FBXL2: variants seen among roughly 807,000 people sequenced by gnomAD.
The protein encoded by FBXL2 is F-box and leucine rich repeat protein 2, also known as F-box/LRR-repeat protein 2.
A neutral mutation model predicts 69.2 loss-of-function variants in FBXL2; 38 were observed. The ratio of observed to expected loss-of-function variants is 0.55; its 90% CI spans 0.42 to 0.72. The LOEUF (loss-of-function observed/expected upper bound fraction) is 0.72. Ranked by LOEUF, FBXL2 falls within the 30% of genes least tolerant of loss-of-function variation. FBXL2 has a pLI of 0.00. For missense variants in FBXL2, 354 were observed against 520.3 expected, an observed-to-expected ratio of 0.68 and a Z score of 3.11; for synonymous variants, 192 against 201.3, an observed-to-expected ratio of 0.95 and a Z score of 0.39.
At chr3:33,294,982 C>A (rs1175413982) in intron 1 of FBXL2, among the ~76,000 whole-genome samples, 2 of 152,070 alleles carry the variant, frequency 1.3e-5, no homozygotes, top group Non-Finnish European at 2.9e-5. Flanking sequence ...TCTCATATAT[C>A]CAACACAAAG....
intron 2 of FBXL2, among the ~76,000 whole-genome samples, chr3:33,312,164 C>T (rs773483545): frequency 1.3e-5 from 2 of 152,074 alleles, no homozygotes; most frequent in Non-Finnish European, 2.9e-5. Context: ...TCAAACCATC[C>T]ACCTGCCCCA....
At chr3:33,322,648 CTA>C (rs1019415019) in intron 2 of FBXL2, among the ~76,000 whole-genome samples, 2 of 151,964 alleles carry the variant, frequency 1.3e-5, no homozygotes, top group African/African-American at 4.8e-5. Context: ...TGTGATAAAA[CTA>C]TAAAGAATTA....
intron 1 of FBXL2, among the ~76,000 whole-genome samples, chr3:33,294,902 T>C (rs2035598562): frequency 6.6e-6 from 1 of 151,840 alleles, no homozygotes; most frequent in African/African-American, 2.4e-5. Flanking sequence ...AGAAATATAT[T>C]AGATAATTTA....
At chr3:33,367,672 C>T (rs1009435293) in intron 5 of FBXL2, among the ~76,000 whole-genome samples, 15 of 151,800 alleles carry the variant, frequency 9.9e-5, no homozygotes, top group African/African-American at 3.1e-4. Context: ...TTGTTTTCAC[C>T]CATTTTTCAT....
At chr3:33,296,270 T>C (rs2035743680) in intron 1 of FBXL2, among the ~76,000 whole-genome samples, 1 of 152,208 alleles carries the variant, frequency 6.6e-6, no homozygotes, top group South Asian at 2.1e-4. Flanking sequence ...TTCACCATGT[T>C]GGCCAGGCTG....
intron 2 of FBXL2, among the ~76,000 whole-genome samples, chr3:33,305,403 A>T (rs534224895): frequency 6.6e-6 from 1 of 151,760 alleles, no homozygotes; most frequent in Non-Finnish European, 1.5e-5. Flanking sequence ...ATGCCCTATC[A>T]CCTCTGTCAT....
intron 12 of FBXL2, among the ~76,000 whole-genome samples, chr3:33,400,481 A>G (rs1472146808): frequency 1.3e-5 from 2 of 152,230 alleles, no homozygotes; most frequent in African/African-American, 4.8e-5. Flanking sequence ...GCCATAAAAA[A>G]AGAGAAAAAT....
intron 1 of FBXL2, among the ~76,000 whole-genome samples, chr3:33,287,407 G>T (rs2034755747): frequency 6.6e-6 from 1 of 152,010 alleles, no homozygotes; most frequent in Non-Finnish European, 1.5e-5. Flanking sequence ...TCCAGTTCTG[G>T]GCTGATCACA....
chr3:33,388,850 T>C (rs1309696683), downstream of FBXL2: 1 of 152,248 alleles, frequency 6.6e-6, no homozygotes, highest in Non-Finnish European at 1.5e-5. Flanking sequence ...AAGCTTTTAC[T>C]CACTGAAGTA....
At chr3:33,336,812 G>C (rs908063121) in intron 2 of FBXL2, among the ~76,000 whole-genome samples, 1 of 152,128 alleles carries the variant, frequency 6.6e-6, no homozygotes, top group Non-Finnish European at 1.5e-5. Flanking sequence ...GGGTGAGGCA[G>C]GGGAATCGCT....
intron 2 of FBXL2, among the ~76,000 whole-genome samples, chr3:33,335,007 G>A (rs540635415): frequency 7.9e-5 from 12 of 152,008 alleles, no homozygotes; most frequent in Middle Eastern, 3.4e-3. Flanking sequence ...AGGCTGAGGC[G>A]GGAGAATCAC....
chr3:33,416,759 T>C, the FBXL2 span: 1 of 1,611,940 alleles, frequency 6.2e-7, no homozygotes, highest in Non-Finnish European at 8.5e-7. Context: ...TGTCCTTACC[T>C]TTACTAATTT....
intron 2 of FBXL2, among the ~76,000 whole-genome samples, chr3:33,334,593 A>G (rs1219164705): frequency 6.6e-6 from 1 of 152,210 alleles, no homozygotes; most frequent in Non-Finnish European, 1.5e-5. Context: ...GGAGGTGCAA[A>G]AAAGAGAAGA....
At chr3:33,287,107 G>T (rs759786988) in intron 1 of FBXL2, among the ~76,000 whole-genome samples, 11 of 152,276 alleles carry the variant, frequency 7.2e-5, no homozygotes, top group African/African-American at 1.4e-4. Context: ...CATCGCTCAC[G>T]CTGGGAGCTA....
chr3:33,352,806 A>G (rs1314375009), intron 2 of FBXL2, among the ~76,000 whole-genome samples: 2 of 152,144 alleles, frequency 1.3e-5, no homozygotes, highest in Admixed American at 1.3e-4. Context: ...TGAGGCAGAG[A>G]ATTGCTTGAA....
intron 12 of FBXL2, chr3:33,398,175 T>C (rs2044081600): frequency 6.6e-6 from 1 of 152,248 alleles, no homozygotes. Context: ...TTGGGGGAAT[T>C]AAGATGAACT....
At chr3:33,393,479 A>G (rs776736422) in intron 12 of FBXL2, 262 of 1,590,820 alleles carry the variant, frequency 1.6e-4, no homozygotes, top group Non-Finnish European at 2.1e-4. Flanking sequence ...AAAAAAAGAA[A>G]AGCATTTTAA....
chr3:33,359,665 A>G (rs1364252370), intron 4 of FBXL2, among the ~76,000 whole-genome samples: 2 of 152,108 alleles, frequency 1.3e-5, no homozygotes, highest in African/African-American at 4.8e-5. Flanking sequence ...AGACTTGACA[A>G]ATACTTATTG....
intron 14 of FBXL2, 90 bp from the exon 15 acceptor site, chr3:33,385,411 A>T (rs1575428170): frequency 4.3e-6 from 5 of 1,149,446 alleles, no homozygotes; most frequent in South Asian, 2.5e-5. Flanking sequence ...GAAGATTTTT[A>T]ATAGAGGACT....
Sources: allele counts gnomAD v4.1 joint callset (sites outside exome capture counted in the v4.1 genomes callset), GRCh38; gene constraint gnomAD v4.1.1; transcripts MANE v1.5; gene names NCBI Gene and HGNC (gene_info 2026-07-23, HGNC 2026-07-21).